SERPINB5: variants seen among roughly 807,000 people sequenced by gnomAD.
The protein encoded by SERPINB5 is serpin family B member 5, also known as serpin B5.
In SERPINB5, 27 loss-of-function variants were observed where a neutral mutation model predicts 32.2. That is an observed-to-expected ratio of 0.84 (90% CI 0.62 to 1.16). The LOEUF is 1.16. SERPINB5 is among the 50% of genes most tolerant of loss of function. The pLI is 0.00. For synonymous variants in SERPINB5, 154 were observed against 157.4 expected, an observed-to-expected ratio of 0.98 and a Z score of 0.16; for missense variants, 388 against 436.3, an observed-to-expected ratio of 0.89 and a Z score of 0.99.
At chr18:63,499,087 A>T (rs115800724) in intron 5 of SERPINB5, 33 bp from the exon 6 acceptor site, 22,867 of 1,386,854 alleles carry the variant, frequency 0.016, 493 homozygotes, top group African/African-American at 0.061. Context: ...GTGTAAATTG[A>T]AAAGTAAGCA....
At chr18:63,491,252 A>G (rs547257664) in intron 4 of SERPINB5, among the ~76,000 whole-genome samples, 58 of 151,642 alleles carry the variant, frequency 3.8e-4, no homozygotes, top group African/African-American at 1.3e-3. Flanking sequence ...AAATACAAAA[A>G]TCAGCTGGGC....
chr18:63,502,780 A>G (rs8084812), intron 6 of SERPINB5, among the ~76,000 whole-genome samples: 60,761 of 151,912 alleles, frequency 0.4, 13,059 homozygotes, highest in Non-Finnish European at 0.49. Flanking sequence ...GCACTTTGGG[A>G]GGCTGAGGCT....
At chr18:63,502,743 G>C (rs1423103348) in intron 6 of SERPINB5, among the ~76,000 whole-genome samples, 1 of 152,118 alleles carries the variant, frequency 6.6e-6, no homozygotes, top group Non-Finnish European at 1.5e-5. Flanking sequence ...TTAAGGTTGG[G>C]TGCGGTGGCT....
chr18:63,481,112 C>T (rs1402680299), intron 1 of SERPINB5, among the ~76,000 whole-genome samples: 1 of 152,162 alleles, frequency 6.6e-6, no homozygotes, highest in Non-Finnish European at 1.5e-5. Flanking sequence ...CCAACAGGGA[C>T]CTGGATCTAA....
At chr18:63,497,469 C>T (rs1348638043) in intron 5 of SERPINB5, 1 of 574,842 alleles carries the variant, frequency 1.7e-6, no homozygotes, top group Non-Finnish European at 3.1e-6. Context: ...CTGGGCTGTG[C>T]TAAGCTTTAC....
chr18:63,485,818 AC>A, intron 2 of SERPINB5: 1 of 152,926 alleles, frequency 6.5e-6, no homozygotes. Flanking sequence ...CCAGCATTTG[AC>A]CCTGCAATGC....
At chr18:63,485,225 TTTC>T (rs1210675132) in intron 2 of SERPINB5, among the ~76,000 whole-genome samples, 1 of 152,178 alleles carries the variant, frequency 6.6e-6, no homozygotes, top group East Asian at 1.9e-4. Context: ...CGTTTTAGGG[TTTC>T]TTTCTGGCTA....
chr18:63,493,369 G>A (rs1456070315), intron 5 of SERPINB5: 8 of 561,288 alleles, frequency 1.4e-5, no homozygotes, highest in Non-Finnish European at 2.5e-5. Flanking sequence ...GTCACCAGCT[G>A]AAAAATAGCT....
At chr18:63,494,220 G>T (rs947428471) in intron 5 of SERPINB5, among the ~76,000 whole-genome samples, 1 of 150,588 alleles carries the variant, frequency 6.6e-6, no homozygotes, top group African/African-American at 2.4e-5. Context: ...TGCTCAGGAG[G>T]CTGAGACAGG....
rs375704233 is a variant in SERPINB5, at chr18:63,486,977, C to T, written c.200C>T (p.Pro67Leu). The T allele has an allele frequency of 4.3e-6, 7 of 1,613,878 alleles. No individual in the cohort carries two copies. In the African/African-American group the frequency reaches 8.0e-5, roughly 18 times the overall value. ...CATTTTGAAAATGTCAAAGATGTAC[C>T]CTTTGGATTTCAAACAGTAACATCG... ...VLHFENVKDVPFGFQTVTSDV... is the reference protein window; with the variant it reads ...VLHFENVKDVLFGFQTVTSDV... Residue 67 changes from proline to leucine, a missense_variant, in exon 3 of 7, where the codon CCC becomes CTC. Transcript: ENST00000382771.
chr18:63,481,872 G>A (rs1202478580), intron 1 of SERPINB5, among the ~76,000 whole-genome samples: 1 of 152,128 alleles, frequency 6.6e-6, no homozygotes, highest in Non-Finnish European at 1.5e-5. Context: ...TCACCTGTAG[G>A]CCCTTGCCCC....
intron 1 of SERPINB5, among the ~76,000 whole-genome samples, chr18:63,477,922 T>TA (rs1419226603): frequency 6.6e-6 from 1 of 152,180 alleles, no homozygotes; most frequent in African/African-American, 2.4e-5. Context: ...ACACAGCTTG[T>TA]AAGTAGCACC....
chr18:63,499,471 A>G (rs1291115059), intron 6 of SERPINB5, among the ~76,000 whole-genome samples, 184 bp downstream of exon 6: 2 of 152,170 alleles, frequency 1.3e-5, no homozygotes, highest in Non-Finnish European at 2.9e-5. Context: ...ACAACAGCCA[A>G]AATTTATTTG....
intron 2 of SERPINB5, chr18:63,486,048 AAATGAT>A (rs1917208666): frequency 1.3e-5 from 2 of 152,186 alleles, no homozygotes; most frequent in Non-Finnish European, 2.9e-5. Flanking sequence ...TAAGCCCTCC[AAATGAT>A]AGTATCCTGG....
intron 6 of SERPINB5, among the ~76,000 whole-genome samples, chr18:63,502,682 G>A (rs1224059698): frequency 6.6e-6 from 1 of 152,108 alleles, no homozygotes; most frequent in Non-Finnish European, 1.5e-5. Context: ...TCACTATTGT[G>A]TATGCAACAT....
At chr18:63,492,123 A>T (rs1909353796) in intron 4 of SERPINB5, among the ~76,000 whole-genome samples, 1 of 152,154 alleles carries the variant, frequency 6.6e-6, no homozygotes, top group African/African-American at 2.4e-5. Context: ...TTTATAAAAA[A>T]CCTGTGGGCT....
chr18:63,487,106 C>T (rs1451270923), intron 3 of SERPINB5, 23 bp downstream of exon 3: 2 of 1,606,682 alleles, frequency 1.2e-6, no homozygotes, highest in African/African-American at 1.3e-5. Flanking sequence ...AAGCAAGTAG[C>T]AAGACTTAAC....
chr18:63,499,069 T>TATATATATA, intron 5 of SERPINB5, 51 bp from the exon 6 acceptor site: 10 of 661,182 alleles, frequency 1.5e-5, no homozygotes, highest in Non-Finnish European at 1.6e-5. Context: ...ATATATATAT[T>TATATATATA]TATGCATGTG....
rs1909490083 is a variant in SERPINB5 at position 63,498,188 on chromosome 18, CA to C, written c.568-930del. ...CACACCAACTTCTGGCTCCCAGGCTCAAGCAATTCTCCTCCCTCAGTTTCCC... is the reference window on the plus strand; with the variant it reads ...CACACCAACTTCTGGCTCCCAGGCTCAGCAATTCTCCTCCCTCAGTTTCCC... On this transcript the variant is annotated intron_variant, in intron 5 of 6. Transcript: ENST00000382771. The surrounding 1 kb of genome is among the most constrained non-coding windows in gnomAD (Gnocchi z 4.2). 6.6e-6 allele frequency among the ~76,000 whole-genome samples: 1 copy of C among 152,180 alleles called. No individual in the cohort carries two copies. Among genetic ancestry groups the C allele is most frequent in the African/African-American group, 2.4e-5 (1 of 41,448 alleles).
Sources: allele counts gnomAD v4.1 joint callset (sites outside exome capture counted in the v4.1 genomes callset), GRCh38; gene constraint gnomAD v4.1.1; non-coding constraint Gnocchi (gnomAD v3.1); transcripts MANE v1.5; gene names NCBI Gene and HGNC (gene_info 2026-07-23, HGNC 2026-07-21).